Variants in ENKUR observed in about 807,000 individuals in gnomAD.
ENKUR encodes enkurin.
Under a neutral mutation model 27.6 loss-of-function variants are expected in ENKUR, and 19 were observed. The observed-to-expected ratio is 0.69, with a 90% CI of 0.48 to 1.01. The LOEUF (loss-of-function observed/expected upper bound fraction) is 1.01. Ranked by LOEUF, ENKUR falls within the 50% of genes least tolerant of loss-of-function variation. The pLI is 0.00. For synonymous variants in ENKUR, 117 were observed against 96.9 expected (o/e 1.21, Z -1.22); for missense variants, 312 against 310.5 (o/e 1.00, Z -0.04).
intron 1 of ENKUR, among the ~76,000 whole-genome samples, chr10:25,007,195 A>T (rs1850331353): frequency 6.6e-6 from 1 of 152,146 alleles, no homozygotes; most frequent in African/African-American, 2.4e-5. Context: ...CTCATATACA[A>T]TATATTGTTA....
upstream of ENKUR, among the ~76,000 whole-genome samples, chr10:25,019,492 G>A (rs1850675972): frequency 6.6e-6 from 1 of 151,986 alleles, no homozygotes; most frequent in Non-Finnish European, 1.5e-5. Context: ...ACAAAAACAC[G>A]AAAATAATGG....
chr10:25,000,851 C>T (rs148413581), intron 1 of ENKUR, among the ~76,000 whole-genome samples: 40 of 152,008 alleles, frequency 2.6e-4, no homozygotes, highest in African/African-American at 9.6e-4. Context: ...TTCTATCTTG[C>T]TTTTCATTTT....
At chr10:25,060,574 C>A (rs1182740176) in intron 2 of ENKUR, among the ~76,000 whole-genome samples, 3 of 151,654 alleles carry the variant, frequency 2.0e-5, no homozygotes, top group Non-Finnish European at 4.4e-5. Context: ...CAAGAGGGAA[C>A]TTTTCCAGTT....
intron 2 of ENKUR, among the ~76,000 whole-genome samples, chr10:25,027,935 C>A (rs1850888125): frequency 6.6e-6 from 1 of 152,076 alleles, no homozygotes; most frequent in African/African-American, 2.4e-5. Flanking sequence ...GTCGTACAAG[C>A]AAAAGAGTTA....
At chr10:25,055,548 A>G (rs1851245962) in intron 2 of ENKUR, among the ~76,000 whole-genome samples, 1 of 51,516 alleles carries the variant, frequency 1.9e-5, no homozygotes, top group Non-Finnish European at 3.5e-5. Flanking sequence ...AAATTGGCAA[A>G]AAAAAAAAAA....
chr10:25,020,916 T>G (rs922431927), upstream of ENKUR, among the ~76,000 whole-genome samples: 5 of 152,210 alleles, frequency 3.3e-5, no homozygotes, highest in Non-Finnish European at 5.9e-5. Flanking sequence ...GTAAGTGCCC[T>G]AAAAGCAGTT....
chr10:25,014,909 C>T (rs1850530399), intron 1 of ENKUR, among the ~76,000 whole-genome samples: 1 of 152,130 alleles, frequency 6.6e-6, no homozygotes, highest in Admixed American at 6.5e-5. Context: ...TAAAAGGGGC[C>T]TTGGATATTA....
At chr10:25,023,962 T>G in intron 2 of ENKUR, 1 of 1,614,214 alleles carries the variant, frequency 6.2e-7, no homozygotes, top group Non-Finnish European at 8.5e-7. Context: ...ACAGAAGGTT[T>G]CAGCAAAATT....
At chr10:25,023,337 A>G (rs1299920186) in intron 2 of ENKUR, 3 of 1,614,064 alleles carry the variant, frequency 1.9e-6, no homozygotes, top group African/African-American at 2.7e-5. Flanking sequence ...GAACCTTTGC[A>G]CTTGCGGAAT....
At position 25,015,903 on chromosome 10, in the gene ENKUR, T is replaced by G; in HGVS notation, c.34A>C (p.Asn12His). Reference protein sequence around the residue: ...DPTCSSECIYNLIPSDLKEPP... With the variant: ...DPTCSSECIYHLIPSDLKEPP... ...TCCTTCAAGTCACTGGGTATGAGGT[T>G]ATAAATGCACTCAGAAGAGCACGTT... The change falls in exon 1 of 6, where the codon AAC becomes CAC. Residue 12 changes from asparagine (N) to histidine (H), a missense_variant. Transcript: ENST00000331161. The G allele has an allele frequency of 6.2e-7, 1 of 1,608,094 alleles. No individual in the cohort carries two copies. Among genetic ancestry groups the G allele is most frequent in the Non-Finnish European group, 8.5e-7 (1 of 1,177,060 alleles).
At chr10:25,024,234 G>A in intron 2 of ENKUR, 2 of 1,614,204 alleles carry the variant, frequency 1.2e-6, no homozygotes, top group Non-Finnish European at 1.7e-6. Flanking sequence ...CAGGCAACCA[G>A]TTCATCCTGG....
chr10:25,043,054 T>C lies in ENKUR; in HGVS notation c.37+18058A>G, dbSNP rs770846317. On this transcript the variant is annotated intron_variant, in intron 2 of 5. Coordinates refer to the ENKUR transcript ENST00000615958. ...TTATATGTGAGAGCGGCATTATGTT[T>C]CAGAAATAAACATTGAAGTATTAAG... Among the ~76,000 whole-genome samples, 115 of 152,160 alleles carry C rather than the reference T, an allele frequency of 7.6e-4. 5 individuals carry two copies. Among genetic ancestry groups the C allele is most frequent in the Non-Finnish European group, 1.9e-4 (13 of 68,030 alleles).
At chr10:25,055,397 G>C (rs544316342) in intron 2 of ENKUR, among the ~76,000 whole-genome samples, 9 of 151,804 alleles carry the variant, frequency 5.9e-5, no homozygotes, top group Non-Finnish European at 1.2e-4. Context: ...CTGGCTAAAG[G>C]CCTGCATTCT....
At chr10:24,989,676 A>T (rs1849883224) in intron 4 of ENKUR, among the ~76,000 whole-genome samples, 1 of 152,250 alleles carries the variant, frequency 6.6e-6, no homozygotes, top group African/African-American at 2.4e-5. Flanking sequence ...ACATTGATAA[A>T]ATGTTCAGAA....
At chr10:25,013,957 T>TA (rs34467911) in intron 1 of ENKUR, among the ~76,000 whole-genome samples, 3 of 148,934 alleles carry the variant, frequency 2.0e-5, no homozygotes, top group Non-Finnish European at 3.0e-5. Context: ...AAAAAGTAAT[T>TA]AAAAAAAAAA....
At chr10:25,057,165 C>T (rs1160870425) in intron 2 of ENKUR, among the ~76,000 whole-genome samples, 1 of 151,974 alleles carries the variant, frequency 6.6e-6, no homozygotes, top group African/African-American at 2.4e-5. Flanking sequence ...CATTTAGAAT[C>T]GATTTGTCCA....
intron 1 of ENKUR, among the ~76,000 whole-genome samples, chr10:25,000,629 T>TCAAG (rs1850168564): frequency 6.6e-6 from 1 of 152,122 alleles, no homozygotes; most frequent in Non-Finnish European, 1.5e-5. Flanking sequence ...TGGTAGCTAA[T>TCAAG]CAAGCATCCC....
At chr10:25,026,264 C>G (rs542864479) in intron 2 of ENKUR, 1 of 166,986 alleles carries the variant, frequency 6.0e-6, no homozygotes, top group South Asian at 2.1e-4. Context: ...AAGATGTACT[C>G]TGTCCTTCAC....
At chr10:25,001,987 GTTC>G (rs1850197536) in intron 1 of ENKUR, among the ~76,000 whole-genome samples, 1 of 152,012 alleles carries the variant, frequency 6.6e-6, no homozygotes, top group South Asian at 2.1e-4. Context: ...TCTTTCTGGT[GTTC>G]TTTAAATTTC....
Sources: allele counts gnomAD v4.1 joint callset (sites outside exome capture counted in the v4.1 genomes callset), GRCh38; gene constraint gnomAD v4.1.1; transcripts MANE v1.5; gene names NCBI Gene and HGNC (gene_info 2026-07-23, HGNC 2026-07-21).